Variants in CMIP observed in about 807,000 individuals in gnomAD.
CMIP encodes the protein C-Maf-inducing protein.
Under a neutral mutation model 97.3 loss-of-function variants are expected in CMIP, and 13 were observed. That is an observed-to-expected ratio of 0.13 (90% CI 0.09 to 0.21). The LOEUF (loss-of-function observed/expected upper bound fraction) is 0.21, where lower values mean the gene tolerates loss of function less well. CMIP is among the 10% of genes least tolerant of loss of function. The pLI is 1.00. For missense variants in CMIP, 847 were observed against 1,024.9 expected, an observed-to-expected ratio of 0.83 and a Z score of 2.37; for synonymous variants, 538 against 436.3, an observed-to-expected ratio of 1.23 and a Z score of -2.91.
chr16:81,445,563 C>A, intron 1 of CMIP, 22 bp downstream of exon 1: 1 of 1,526,406 alleles, frequency 6.6e-7, no homozygotes, highest in Non-Finnish European at 8.8e-7. Flanking sequence ...TGCGCGGCTG[C>A]ACCCCCGCCT....
At chr16:81,678,715 G>A (rs1904552739) in intron 10 of CMIP, 87 bp downstream of exon 10, 3 of 654,262 alleles carry the variant, frequency 4.6e-6, no homozygotes, top group South Asian at 1.8e-5. Flanking sequence ...TTGTTGGTTC[G>A]AGCTACGCAG....
chr16:81,594,882 G>T (rs531272619), intron 1 of CMIP, among the ~76,000 whole-genome samples: 1 of 146,278 alleles, frequency 6.8e-6, no homozygotes, highest in Non-Finnish European at 1.5e-5. Context: ...CGCCCGCCTC[G>T]GCCTCCCAAA....
chr16:81,641,063 A>T (rs1478731360), intron 3 of CMIP, among the ~76,000 whole-genome samples: 1 of 152,134 alleles, frequency 6.6e-6, no homozygotes, highest in Non-Finnish European at 1.5e-5. Flanking sequence ...TAGAGGGCTC[A>T]GGAACATCTG....
At chr16:81,668,359 A>ACCGC (rs2092633518) in intron 7 of CMIP, among the ~76,000 whole-genome samples, 2 of 152,224 alleles carry the variant, frequency 1.3e-5, no homozygotes, top group East Asian at 3.9e-4. Context: ...CGGCGGCCAG[A>ACCGC]TTCACAGGCC....
chr16:81,687,677 C>T (rs1033264488), intron 10 of CMIP, among the ~76,000 whole-genome samples: 1 of 152,130 alleles, frequency 6.6e-6, no homozygotes, highest in Non-Finnish European at 1.5e-5. Flanking sequence ...CTCTGGGGGC[C>T]GTGTGTGAGT....
intron 3 of CMIP, among the ~76,000 whole-genome samples, chr16:81,632,844 G>C (rs1412933778): frequency 6.6e-6 from 1 of 152,226 alleles, no homozygotes; most frequent in African/African-American, 2.4e-5. Context: ...ATAAGGGCCA[G>C]CCTTGGGCTT....
rs760951508 is a variant in CMIP, at chr16:81,621,224, G to A, written c.477+298G>A. 3.8e-6 allele frequency: 1 copy of A among 263,098 alleles called. No homozygotes were observed. The highest frequency in any genetic ancestry group is 2.2e-5 in the African/African-American group (1 of 45,888). The allele number at this position is 263,098 out of a possible 1,614,324, so 16.3% of individuals were successfully genotyped here. The stretch of plus-strand genomic sequence containing the variant: ...TCTCAGAGTGAGGGCGACCCTGAGG[G>A]GAGTCCAGCCGGGGAGGCTGGACTT... On this transcript the variant is annotated intron_variant, in intron 3 of 20. Coordinates refer to ENST00000537098, the MANE Select transcript of CMIP (RefSeq NM_198390.3). This position sits in a 1 kb window ranked among gnomAD's most constrained non-coding sequence, Gnocchi z 4.1.
At chr16:81,478,055 G>A (rs1036755350) in intron 1 of CMIP, among the ~76,000 whole-genome samples, 2 of 152,240 alleles carry the variant, frequency 1.3e-5, no homozygotes, top group Admixed American at 6.5e-5. Context: ...TGAGAAGGGA[G>A]AGGAGGCCAG....
In CMIP at chr16:81,445,381, G is replaced by A. The variant is rs781411242; in HGVS notation, c.140G>A (p.Cys47Tyr). The A allele has an allele frequency of 1.2e-6, 2 of 1,605,904 alleles. 1 individual carries two copies. The highest frequency in any genetic ancestry group is 2.2e-5 in the South Asian group (2 of 89,574). ...CCCTGCCGCCGGGCTCTTCTGCTTT[G>A]CAACGGGATGAGGTACAAACTGCTG... ...AVPCRRALLL[C>Y]NGMRYKLLQE... The change falls in exon 1 of 21, where the codon TGC (cysteine) becomes TAC (tyrosine). Residue 47 changes from cysteine (C) to tyrosine (Y), a missense_variant. Physicochemically the swap from Cys to Tyr is radical, Grantham distance 194. Around this residue, in one of 4 missense-constraint regions of CMIP, gnomAD observed 94 missense variants for 79.9 expected, o/e 1.18. Coordinates refer to ENST00000537098, the MANE Select transcript of CMIP (RefSeq NM_198390.3).
intron 1 of CMIP, among the ~76,000 whole-genome samples, chr16:81,569,480 A>C (rs1466826909): frequency 6.6e-6 from 1 of 152,074 alleles, no homozygotes; most frequent in Non-Finnish European, 1.5e-5. Context: ...GCCTCAGGGG[A>C]TCCTGGCTTC....
intron 1 of CMIP, among the ~76,000 whole-genome samples, chr16:81,513,093 C>T (rs1434473317): frequency 6.6e-6 from 1 of 152,176 alleles, no homozygotes; most frequent in Non-Finnish European, 1.5e-5. Context: ...TCCGGTTGGC[C>T]CATTTTTGGC....
In CMIP at chr16:81,704,100, C is replaced by A; in HGVS notation, c.2091+15C>A. 1 of 1,598,070 alleles carries A rather than the reference C, an allele frequency of 6.3e-7. No individual in the cohort carries two copies. Among genetic ancestry groups the A allele is most frequent in the South Asian group, 1.1e-5 (1 of 88,948 alleles). ...GGTCCACTCAGGTACGTCCTCCCGC[C>A]CTGCTGCAGTCCCCCACACCCTCCT... On this transcript the variant is annotated intron_variant, in intron 18 of 20. Coordinates refer to ENST00000537098, the MANE Select transcript of CMIP (RefSeq NM_198390.3).
rs1438298075 is a variant in CMIP at position 81,655,991 on chromosome 16, G to A, written c.640-1784G>A. On this transcript the variant is annotated intron_variant, in intron 4 of 20. Coordinates refer to ENST00000537098, the MANE Select transcript of CMIP (RefSeq NM_198390.3). This position sits in a 1 kb window ranked among gnomAD's most constrained non-coding sequence, Gnocchi z 4.9. Reference sequence around the variant, plus strand: ...CAAGGCCAGGCTTCTCCCCGAAGCTGAAAAATGACTGATAGTTAATAATCT... The same window carrying A: ...CAAGGCCAGGCTTCTCCCCGAAGCTAAAAAATGACTGATAGTTAATAATCT... 2.6e-5 allele frequency among the ~76,000 whole-genome samples: 4 copies of A among 152,154 alleles called. No individual in the cohort carries two copies. Among genetic ancestry groups the A allele is most frequent in the African/African-American group, 4.8e-5 (2 of 41,426 alleles).
intron 1 of CMIP, among the ~76,000 whole-genome samples, chr16:81,490,368 C>A (rs1223368564): frequency 1.3e-5 from 2 of 152,196 alleles, no homozygotes; most frequent in African/African-American, 4.8e-5. Context: ...GCCTGTAATC[C>A]CAGCACTTTG....
chr16:81,624,484 G>A (rs567793677), intron 3 of CMIP, among the ~76,000 whole-genome samples: 3 of 137,904 alleles, frequency 2.2e-5, no homozygotes, highest in Admixed American at 7.3e-5. Context: ...GCGAGACTCC[G>A]TCTCAAAAAA....
intron 1 of CMIP, among the ~76,000 whole-genome samples, chr16:81,535,188 G>C (rs1007376081): frequency 5.9e-5 from 9 of 152,172 alleles, no homozygotes; most frequent in Middle Eastern, 3.2e-3. Context: ...CTGACCTAGT[G>C]ATCTGCCTGC....
intron 1 of CMIP, among the ~76,000 whole-genome samples, chr16:81,605,675 C>T (rs776637633): frequency 5.3e-5 from 8 of 152,150 alleles, no homozygotes; most frequent in Non-Finnish European, 8.8e-5. Context: ...TTGCACTGGC[C>T]GTGGGGTCTG....
rs761046849 is a variant in CMIP, at chr16:81,705,623, G to T, written c.2197+19G>T. 3.3e-6 allele frequency: 5 copies of T among 1,533,380 alleles called. No individual in the cohort carries two copies. The East Asian group carries it at 1.2e-4, about 36-fold the overall frequency. 95.0% of individuals were successfully genotyped at this position (1,533,380 alleles called of 1,614,324 possible). A position where few individuals can be genotyped will look rare whatever the true frequency, so the allele number is the denominator to read the frequency against. On this transcript the variant is annotated intron_variant, in intron 19 of 20. Transcript: ENST00000537098. ...CTGAGCTGTGAGTGCCTCCGGGGCA[G>T]CTGGGGGGTGAGGGGCCGCTTGATT...
intron 1 of CMIP, among the ~76,000 whole-genome samples, chr16:81,466,709 G>C (rs928049101): frequency 6.6e-6 from 1 of 152,176 alleles, no homozygotes; most frequent in Non-Finnish European, 1.5e-5. Context: ...CCTGGGATAG[G>C]AGCAAGTTAA....
Sources: allele counts gnomAD v4.1 joint callset (sites outside exome capture counted in the v4.1 genomes callset), GRCh38; gene constraint gnomAD v4.1.1; regional missense constraint gnomAD v4.1.1; non-coding constraint Gnocchi (gnomAD v3.1); transcripts MANE v1.5; gene names NCBI Gene and HGNC (gene_info 2026-07-23, HGNC 2026-07-21).